The following S100PBP variants were observed in gnomAD, a reference collection of about 807,000 sequenced individuals.
The protein encoded by S100PBP is S100P binding protein, also known as S100P-binding protein.
A neutral mutation model predicts 39.9 loss-of-function variants in S100PBP; 15 were observed. The observed-to-expected ratio is 0.38, with a 90% CI of 0.25 to 0.58. S100PBP has a LOEUF of 0.58. Ranked by LOEUF, S100PBP falls within the 20% of genes least tolerant of loss-of-function variation. S100PBP has a pLI of 0.70. For synonymous variants in S100PBP, 178 were observed against 180.3 expected, an observed-to-expected ratio of 0.99 and a Z score of 0.10; for missense variants, 504 against 487.3, an observed-to-expected ratio of 1.03 and a Z score of -0.32.
intron 5 of S100PBP, among the ~76,000 whole-genome samples, chr1:32,842,180 CAAAAAAAAAAAA>C (rs139787430): frequency 1.8e-5 from 1 of 56,416 alleles, no homozygotes; most frequent in Non-Finnish European, 3.1e-5. Flanking sequence ...AAGACTGTCT[CAAAAAAAAAAAA>C]AAAAAAAAAA....
chr1:32,857,909 G>C lies in S100PBP; in HGVS notation c.*1871G>C, dbSNP rs1235691042. ...AGGATTTGCTTTTCCTTGAACATTT[G>C]TTTTAAATTCTGGGGCCAAAATGCA... On this transcript the variant is annotated 3_prime_UTR_variant, in exon 7 of 7. Coordinates refer to ENST00000373475, the MANE Select transcript of S100PBP (RefSeq NM_022753.4). 1.3e-5 allele frequency: 2 copies of C among 152,138 alleles called. No individual in the cohort carries two copies. Among genetic ancestry groups the C allele is most frequent in the African/African-American group, 2.4e-5 (1 of 41,440 alleles). 9.4% of individuals were successfully genotyped at this position (152,138 alleles called of 1,614,324 possible).
intron 1 of S100PBP, chr1:32,818,924 CTCTT>C (rs1638904674): frequency 6.6e-6 from 1 of 152,286 alleles, no homozygotes; most frequent in Non-Finnish European, 1.5e-5. Flanking sequence ...ATAATCTCTG[CTCTT>C]GGCTGTACCT....
intron 5 of S100PBP, chr1:32,835,338 T>G (rs1006862084): frequency 5.3e-5 from 8 of 152,194 alleles, no homozygotes; most frequent in Non-Finnish European, 1.2e-4. Flanking sequence ...ATTTGATAAA[T>G]GGGAGCTCCT....
rs559533644 is a variant in S100PBP, at chr1:32,853,469, TAAA to T, written c.1112+314_1112+316del. 1.7e-4 allele frequency among the ~76,000 whole-genome samples: 15 copies of T among 88,172 alleles called. No individual in the cohort carries two copies. The Admixed American group carries it at 1.9e-3, about 11-fold the overall frequency. The allele number at this position is 88,172 out of a possible 152,430, so 57.8% of individuals were successfully genotyped here. ...CTGGGCGGCAGAGCAAGACTCCGTC[TAAA>T]AAAAAAAAAAGAAAAGGCGGTGGGG... On this transcript the variant is annotated intron_variant, in intron 6 of 6. Transcript: ENST00000373475.
chr1:32,827,897 C>A (rs1032086691), intron 3 of S100PBP, 96 bp from the exon 4 acceptor site: 40 of 808,100 alleles, frequency 4.9e-5, no homozygotes, highest in Non-Finnish European at 7.6e-5. Flanking sequence ...GCTTTTGTAG[C>A]CTTTAGTTAA....
intron 5 of S100PBP, among the ~76,000 whole-genome samples, chr1:32,841,470 C>T (rs1341303677): frequency 6.6e-6 from 1 of 151,952 alleles, no homozygotes; most frequent in Admixed American, 6.6e-5. Context: ...TGGCTCACAC[C>T]TGTAATCCCG....
Position 32,826,561 on chromosome 1 carries a change from A to G in S100PBP, c.462A>G (p.Thr154=). The G allele has an allele frequency of 6.2e-7, 1 of 1,613,944 alleles. No homozygotes were observed. Among genetic ancestry groups the G allele is most frequent in the Non-Finnish European group, 8.5e-7 (1 of 1,180,016 alleles). Residue 154 remains threonine (T), a synonymous_variant, in exon 3 of 7, where the codon ACA becomes ACG. Coordinates refer to ENST00000373475, the MANE Select transcript of S100PBP (RefSeq NM_022753.4). ...IKVTVAPFNP[T]VCDALLDKDE... ...TAACTGTTGCACCATTTAATCCAAC[A>G]GTTTGTGATGCTCTGCTTGATAAGG... is the stretch of plus-strand genomic sequence containing the variant.
At chr1:32,852,283 A>T (rs921806849) in intron 5 of S100PBP, among the ~76,000 whole-genome samples, 6 of 151,968 alleles carry the variant, frequency 3.9e-5, no homozygotes, top group Admixed American at 6.6e-5. Context: ...ATTGCACTCT[A>T]GCCTGGACGA....
chr1:32,848,790 TTTATAGA>T (rs1640489612), intron 5 of S100PBP, among the ~76,000 whole-genome samples: 1 of 152,236 alleles, frequency 6.6e-6, no homozygotes, highest in Non-Finnish European at 1.5e-5. Flanking sequence ...CACCTTCATA[TTTATAGA>T]TTAAGATTTA....
chr1:32,848,051 G>A (rs192215462), intron 5 of S100PBP, among the ~76,000 whole-genome samples: 1 of 152,278 alleles, frequency 6.6e-6, no homozygotes, highest in African/African-American at 2.4e-5. Flanking sequence ...GCTCACACCT[G>A]TAATCCCAGC....
At chr1:32,836,077 A>G (rs2148662032) in intron 5 of S100PBP, 1 of 151,590 alleles carries the variant, frequency 6.6e-6, no homozygotes, top group East Asian at 1.9e-4. Context: ...CAGTCCTACC[A>G]ACAGTGCACA....
At chr1:32,818,726 T>G (rs111541973) in intron 1 of S100PBP, 84 of 152,382 alleles carry the variant, frequency 5.5e-4, no homozygotes, top group African/African-American at 1.9e-3. Context: ...GTGTTTTTAG[T>G]TACTTCGAAG....
chr1:32,821,608 C>T (rs1371440124), intron 1 of S100PBP, among the ~76,000 whole-genome samples: 1 of 150,402 alleles, frequency 6.6e-6, no homozygotes, highest in Non-Finnish European at 1.5e-5. Context: ...GCGTGAGCCA[C>T]TGCGCCTGGC....
chr1:32,850,499 G>A (rs1304813474), intron 5 of S100PBP, among the ~76,000 whole-genome samples: 2 of 152,192 alleles, frequency 1.3e-5, no homozygotes, highest in Non-Finnish European at 2.9e-5. Context: ...TTCCCTTCAT[G>A]AGGAAACTCA....
chr1:32,840,098 T>G (rs936005089), intron 5 of S100PBP, among the ~76,000 whole-genome samples: 1 of 152,060 alleles, frequency 6.6e-6, no homozygotes, highest in African/African-American at 2.4e-5. Context: ...GATTCTCCTG[T>G]CTCAGCCTCC....
chr1:32,831,891 T>C (rs749256266), intron 5 of S100PBP, among the ~76,000 whole-genome samples: 5 of 152,168 alleles, frequency 3.3e-5, no homozygotes, highest in Non-Finnish European at 1.5e-5. Flanking sequence ...TTAAATAAAA[T>C]TTCCCAAGAA....
intron 5 of S100PBP, among the ~76,000 whole-genome samples, chr1:32,846,389 A>T: frequency 6.7e-6 from 1 of 149,354 alleles, no homozygotes; most frequent in Non-Finnish European, 1.5e-5. Flanking sequence ...TCACAATCTC[A>T]GTCTTTAATT....
intron 4 of S100PBP, among the ~76,000 whole-genome samples, 171 bp from the exon 5 acceptor site, chr1:32,829,793 T>C (rs1639510450): frequency 6.6e-6 from 1 of 152,182 alleles, no homozygotes; most frequent in African/African-American, 2.4e-5. Flanking sequence ...TACTCCATTT[T>C]AGTTTTTTTT....
rs1254901119 is a variant in S100PBP, at chr1:32,826,210, C to T, written c.111C>T (p.Ser37=). The stretch of plus-strand genomic sequence containing the variant: ...TGGATGAGGATGGATTGGATGACTC[C>T]TTGCTGGAGCTGTCAGAGGGAGAAG... The part of the protein sequence containing the change: ...DSLDEDGLDD[S]LLELSEGEED... Residue 37 remains serine, a synonymous_variant, in exon 3 of 7, where the codon TCC becomes TCT. Transcript: ENST00000373475. 2 of 1,614,128 alleles carry T rather than the reference C, an allele frequency of 1.2e-6. No individual in the cohort carries two copies. The highest frequency in any genetic ancestry group is 1.7e-5 in the Admixed American group (1 of 60,018).
Sources: gnomAD v4.1 joint callset for allele counts (sites outside exome capture counted in the v4.1 genomes callset) on GRCh38, gnomAD v4.1.1 for gene constraint, MANE v1.5 for transcripts, NCBI Gene and HGNC (gene_info 2026-07-23, HGNC 2026-07-21) for gene names.